Variants in HTR1F observed in about 807,000 individuals in gnomAD.
HTR1F encodes 5-hydroxytryptamine receptor 1F.
Under a neutral mutation model 24.0 loss-of-function variants are expected in HTR1F, and 17 were observed. The ratio of observed to expected loss-of-function variants is 0.71; its 90% CI spans 0.48 to 1.06. The LOEUF is 1.06. HTR1F is among the 50% of genes least tolerant of loss of function. HTR1F has a pLI of 0.00. For synonymous variants in HTR1F, 186 were observed against 156.8 expected (o/e 1.19, Z -1.39); for missense variants, 391 against 427.8 (o/e 0.91, Z 0.76).
chr3:87,907,012 T>G (rs1055736690), intron 2 of HTR1F, among the ~76,000 whole-genome samples: 1 of 152,086 alleles, frequency 6.6e-6, no homozygotes, highest in Non-Finnish European at 1.5e-5. Context: ...GCAACTATCT[T>G]TTTTTATATA....
At chr3:87,983,411 A>G (rs1264747965) in intron 2 of HTR1F, among the ~76,000 whole-genome samples, 2 of 152,118 alleles carry the variant, frequency 1.3e-5, no homozygotes, top group Non-Finnish European at 2.9e-5. Flanking sequence ...TTATGGAGCA[A>G]TCCTATACAT....
At chr3:87,939,600 G>A (rs1441696666) in intron 2 of HTR1F, among the ~76,000 whole-genome samples, 2 of 152,072 alleles carry the variant, frequency 1.3e-5, no homozygotes, top group African/African-American at 4.8e-5. Flanking sequence ...TTTGGTCTTG[G>A]GAGAGTGTAC....
At chr3:87,907,197 A>ATTTT (rs34920865) in intron 2 of HTR1F, among the ~76,000 whole-genome samples, 66 of 147,836 alleles carry the variant, frequency 4.5e-4, no homozygotes, top group African/African-American at 1.6e-3. Flanking sequence ...GCCAACATTT[A>ATTTT]TTTTTTTTTT....
intron 2 of HTR1F, among the ~76,000 whole-genome samples, chr3:87,953,493 A>G (rs760859640): frequency 5.9e-5 from 9 of 151,422 alleles, no homozygotes; most frequent in Non-Finnish European, 1.0e-4. Context: ...ATGAAATATC[A>G]TCTAACCCCA....
chr3:87,878,776 A>C (rs1705724780), intron 2 of HTR1F, among the ~76,000 whole-genome samples: 1 of 152,100 alleles, frequency 6.6e-6, no homozygotes, highest in Non-Finnish European at 1.5e-5. Flanking sequence ...TTCCTCCACT[A>C]AGTAAAAGTT....
At chr3:87,941,494 G>C (rs1419617139) in intron 2 of HTR1F, among the ~76,000 whole-genome samples, 1 of 152,156 alleles carries the variant, frequency 6.6e-6, no homozygotes, top group Admixed American at 6.5e-5. Context: ...TGGGTGGCTT[G>C]ATGGCACAAG....
At chr3:87,819,604 T>A (rs1704315548) in intron 1 of HTR1F, among the ~76,000 whole-genome samples, 1 of 152,114 alleles carries the variant, frequency 6.6e-6, no homozygotes, top group Admixed American at 6.6e-5. Flanking sequence ...ATTTTCACAT[T>A]CATACATATG....
chr3:87,932,514 A>T (rs1246241989), intron 2 of HTR1F, among the ~76,000 whole-genome samples: 2 of 152,030 alleles, frequency 1.3e-5, no homozygotes, highest in Admixed American at 1.3e-4. Flanking sequence ...CTTAGGATTG[A>T]CTTGGCAATG....
chr3:87,920,067 G>T (rs149291065), intron 2 of HTR1F, among the ~76,000 whole-genome samples: 16,405 of 143,010 alleles, frequency 0.11, 1,123 homozygotes, highest in Non-Finnish European at 0.16. Flanking sequence ...ATACTACTCA[G>T]CCATAAAAAG....
intron 1 of HTR1F, among the ~76,000 whole-genome samples, chr3:87,800,574 A>G (rs1332185513): frequency 1.3e-5 from 2 of 152,140 alleles, no homozygotes; most frequent in Non-Finnish European, 2.9e-5. Context: ...TCTTCTCTCC[A>G]GTTAGGCTAG....
chr3:87,933,929 G>A (rs1401117568), intron 2 of HTR1F, among the ~76,000 whole-genome samples: 3 of 152,096 alleles, frequency 2.0e-5, no homozygotes, highest in Admixed American at 1.3e-4. Flanking sequence ...GACTCCCTGG[G>A]ATCAGCCTAT....
chr3:87,811,860 G>A (rs1452810021), intron 1 of HTR1F, among the ~76,000 whole-genome samples: 1 of 152,166 alleles, frequency 6.6e-6, no homozygotes, highest in African/African-American at 2.4e-5. Context: ...GTGGAGAGAG[G>A]GAGGTGTTTG....
At chr3:87,811,827 A>G (rs1704165576) in intron 1 of HTR1F, among the ~76,000 whole-genome samples, 1 of 152,096 alleles carries the variant, frequency 6.6e-6, no homozygotes, top group Non-Finnish European at 1.5e-5. Context: ...CTCAAATCTC[A>G]TCTTGAATTG....
intron 2 of HTR1F, among the ~76,000 whole-genome samples, chr3:87,822,346 G>A: frequency 6.6e-6 from 1 of 152,132 alleles, no homozygotes; most frequent in East Asian, 1.9e-4. Flanking sequence ...CCTATTGGAG[G>A]AAAATAGGGT....
At chr3:87,795,675 C>T (rs1485270772) in intron 1 of HTR1F, among the ~76,000 whole-genome samples, 1 of 152,120 alleles carries the variant, frequency 6.6e-6, no homozygotes, top group Non-Finnish European at 1.5e-5. Context: ...AAGTGGAAAC[C>T]TTACTTTTCC....
chr3:87,867,930 G>A (rs1288393923), intron 2 of HTR1F, among the ~76,000 whole-genome samples: 1 of 152,084 alleles, frequency 6.6e-6, no homozygotes, highest in Non-Finnish European at 1.5e-5. Context: ...TGGTGATTCT[G>A]CTGTGCAAAT....
chr3:87,820,937 G>A (rs1419052313), intron 1 of HTR1F, among the ~76,000 whole-genome samples: 3 of 152,066 alleles, frequency 2.0e-5, no homozygotes, highest in Non-Finnish European at 2.9e-5. Context: ...CAGTCAGTAA[G>A]TATTCTTGAA....
chr3:87,951,020 G>A (rs1241143882), intron 2 of HTR1F, among the ~76,000 whole-genome samples: 1 of 151,990 alleles, frequency 6.6e-6, no homozygotes, highest in African/African-American at 2.4e-5. Context: ...ATTTCATCCT[G>A]GTATCTGCAA....
At chr3:87,823,484 A>G (rs1704399764) in intron 2 of HTR1F, among the ~76,000 whole-genome samples, 1 of 148,970 alleles carries the variant, frequency 6.7e-6, no homozygotes, top group South Asian at 2.1e-4. Flanking sequence ...CTTTATCCAT[A>G]TCTCCACTCA....
Sources: gnomAD v4.1 joint callset for allele counts (sites outside exome capture counted in the v4.1 genomes callset) on GRCh38, gnomAD v4.1.1 for gene constraint, MANE v1.5 for transcripts, NCBI Gene and HGNC (gene_info 2026-07-23, HGNC 2026-07-21) for gene names.